The following NRL variants were observed in gnomAD, a reference collection of about 807,000 sequenced individuals.
The protein encoded by NRL is neural retina-specific leucine zipper protein.
NRL carries 16 observed loss-of-function variants against 12.5 expected under a neutral mutation model. That is an observed-to-expected ratio of 1.28 (90% CI 0.87 to 1.95). NRL has a LOEUF of 1.95. Ranked by LOEUF, NRL falls within the 30% of genes most tolerant of loss-of-function variation. The probability of loss-of-function intolerance (pLI) is 0.00; values close to 1 mark genes in which losing one functional copy is unlikely to be tolerated. For synonymous variants in NRL, 142 were observed against 150.9 expected (o/e 0.94, Z 0.43); for missense variants, 314 against 325.8 (o/e 0.96, Z 0.28).
chr14:24,110,276 T>C (rs999462313), intron 1 of NRL: 24 of 319,504 alleles, frequency 7.5e-5, no homozygotes, highest in Non-Finnish European at 1.5e-4. Context: ...CTCAATTTTG[T>C]TTTTGTATTT....
At chr14:24,104,681 G>T (rs1445138225) in intron 1 of NRL, among the ~76,000 whole-genome samples, 1 of 150,444 alleles carries the variant, frequency 6.6e-6, no homozygotes, top group African/African-American at 2.5e-5. Context: ...AAAAAAAACT[G>T]AGGGCCTCAG....
intron 1 of NRL, chr14:24,104,184 T>C (rs2037286179): frequency 3.6e-6 from 2 of 559,590 alleles, no homozygotes; most frequent in South Asian, 2.1e-5. Flanking sequence ...CTCTAACACC[T>C]GTCTCACAAT....
At chr14:24,088,021 C>G (rs953740734) in intron 1 of NRL, among the ~76,000 whole-genome samples, 1 of 151,982 alleles carries the variant, frequency 6.6e-6, no homozygotes, top group Non-Finnish European at 1.5e-5. Context: ...GAAAGAAACC[C>G]TGTCTCAAAA....
At position 24,095,757 on chromosome 14, in the gene NRL, C is replaced by G. The variant is rs1192754105; in HGVS notation, c.-27-12882G>C. Among the ~76,000 whole-genome samples the G allele has an allele frequency of 4.6e-5, 7 of 152,342 alleles. No homozygotes were observed. The East Asian group carries it at 1.3e-3, about 29-fold the overall frequency. The stretch of plus-strand genomic sequence containing the variant: ...TTGAGTCCAGGCCAATCAGAGCAGA[C>G]GTTGCTTCTCTGTCTCCCAGGGCCA... On this transcript the variant is annotated intron_variant, in intron 1 of 2. Coordinates refer to ENST00000561028, the MANE Select transcript of NRL (RefSeq NM_001354768.3).
rs1361029052 is a variant in NRL, at chr14:24,085,609, T to C, written c.-27-2734A>G. Among the ~76,000 whole-genome samples the C allele has an allele frequency of 6.6e-6, 1 of 152,230 alleles. No individual in the cohort carries two copies. Reference sequence around the variant, plus strand: ...GAGTTAAAGGCCACTTCCTACCTTCTGAGGCCACCCAAATACTCCCATGGG... The same window carrying C: ...GAGTTAAAGGCCACTTCCTACCTTCCGAGGCCACCCAAATACTCCCATGGG... On this transcript the variant is annotated intron_variant, in intron 1 of 2. Coordinates refer to ENST00000561028, the MANE Select transcript of NRL (RefSeq NM_001354768.3). The surrounding 1 kb of genome is among the most constrained non-coding windows in gnomAD (Gnocchi z 4.1).
At chr14:24,102,605 C>T (rs538727819) in intron 1 of NRL, 1 of 657,142 alleles carries the variant, frequency 1.5e-6, no homozygotes, top group African/African-American at 1.8e-5. Context: ...CCCTGGCTCC[C>T]CTCTCTCTGC....
intron 1 of NRL, chr14:24,093,125 C>T (rs1187973252): frequency 2.6e-5 from 4 of 152,264 alleles, no homozygotes; most frequent in African/African-American, 9.6e-5. Context: ...TGACATCAGA[C>T]CCACATGACA....
At chr14:24,091,606 A>G (rs751493777) in intron 1 of NRL, among the ~76,000 whole-genome samples, 3 of 152,200 alleles carry the variant, frequency 2.0e-5, no homozygotes, top group African/African-American at 4.8e-5. Flanking sequence ...GGGACAGTAT[A>G]GGATTTATAG....
intron 1 of NRL, chr14:24,095,489 G>A (rs1273549901): frequency 6.5e-6 from 2 of 309,982 alleles, no homozygotes; most frequent in South Asian, 2.6e-5. Flanking sequence ...CCGTATCCAT[G>A]CTCTGAGCTT....
chr14:24,109,697 CAAA>C (rs1227097594), intron 1 of NRL, among the ~76,000 whole-genome samples: 3 of 66,346 alleles, frequency 4.5e-5, no homozygotes, highest in Admixed American at 1.7e-4. Flanking sequence ...GACTCCATCT[CAAA>C]AAAAAAAAAA....
At position 24,081,384 on chromosome 14, in the gene NRL, G is replaced by C; in HGVS notation, c.566C>G (p.Ala189Gly). The C allele has an allele frequency of 6.8e-7, 1 of 1,461,434 alleles. No individual in the cohort carries two copies. The highest frequency in any genetic ancestry group is 9.0e-7 in the Non-Finnish European group (1 of 1,109,688). The allele number at this position is 1,461,434 out of a possible 1,614,324, so 90.5% of individuals were successfully genotyped here. ...KRLQQRRGLE[A>G]ERARLAAQLD... Reference sequence around the variant, plus strand: ...CTGGGCGGCCAGGCGGGCGCGCTCGGCCTCCAGCCCGCGCCGCTGCTGCAG... The same window carrying C: ...CTGGGCGGCCAGGCGGGCGCGCTCGCCCTCCAGCCCGCGCCGCTGCTGCAG... Residue 189 changes from alanine (A) to glycine (G), a missense_variant, in exon 3 of 3, where the codon GCC (alanine) becomes GGC (glycine). Coordinates refer to ENST00000561028, the MANE Select transcript of NRL (RefSeq NM_001354768.3). The surrounding 1 kb of genome is among the most constrained non-coding windows in gnomAD (Gnocchi z 4.4).
chr14:24,088,624 G>C (rs1213555829), intron 1 of NRL, among the ~76,000 whole-genome samples: 1 of 151,144 alleles, frequency 6.6e-6, no homozygotes, highest in Non-Finnish European at 1.5e-5. Context: ...AATATATTTT[G>C]TGTAACAGTT....
chr14:24,104,235 A>G (rs1267586283), intron 1 of NRL: 1 of 463,234 alleles, frequency 2.2e-6, no homozygotes, highest in Non-Finnish European at 4.0e-6. Context: ...GCCTGGCACA[A>G]TCAAAGATCT....
At chr14:24,084,857 T>C (rs754542697) in intron 1 of NRL, 1 of 323,554 alleles carries the variant, frequency 3.1e-6, no homozygotes, top group Non-Finnish European at 4.4e-6. Flanking sequence ...GACTCCCAAG[T>C]GCTCAGTTTC....
intron 1 of NRL, among the ~76,000 whole-genome samples, chr14:24,104,538 C>T (rs1039531872): frequency 1.3e-5 from 2 of 150,950 alleles, no homozygotes; most frequent in East Asian, 3.9e-4. Context: ...ATTTGGGAAG[C>T]TGAGGCAGGA....
chr14:24,096,647 C>T (rs1477054101), intron 1 of NRL, among the ~76,000 whole-genome samples: 1 of 152,140 alleles, frequency 6.6e-6, no homozygotes, highest in East Asian at 1.9e-4. Flanking sequence ...AGGCATGTGC[C>T]TTTTTTGCTC....
At chr14:24,100,805 A>G (rs2037132968) in intron 1 of NRL, among the ~76,000 whole-genome samples, 1 of 152,072 alleles carries the variant, frequency 6.6e-6, no homozygotes. Context: ...CATTCACCCC[A>G]ATCCTTCCTA....
chr14:24,099,996 T>G, intron 1 of NRL: 1 of 1,614,194 alleles, frequency 6.2e-7, no homozygotes. Flanking sequence ...TCCTAACAGG[T>G]CGACTCCGGG....
intron 1 of NRL, among the ~76,000 whole-genome samples, chr14:24,096,325 A>G (rs1200753234): frequency 8.3e-6 from 1 of 121,054 alleles, no homozygotes; most frequent in African/African-American, 3.2e-5. Flanking sequence ...TGCAACCTCC[A>G]CCTCCCGGGT....
Sources: gnomAD v4.1 joint callset for allele counts (sites outside exome capture counted in the v4.1 genomes callset) on GRCh38, gnomAD v4.1.1 for gene constraint, Gnocchi (gnomAD v3.1) non-coding constraint, MANE v1.5 for transcripts, NCBI Gene and HGNC (gene_info 2026-07-23, HGNC 2026-07-21) for gene names.